CCDC172: variants seen among roughly 807,000 people sequenced by gnomAD.
CCDC172 encodes the protein coiled-coil domain containing 172, also known as coiled-coil domain-containing protein 172.
A neutral mutation model predicts 38.0 loss-of-function variants in CCDC172; 30 were observed. The ratio of observed to expected loss-of-function variants is 0.79; its 90% CI spans 0.59 to 1.07. The LOEUF (loss-of-function observed/expected upper bound fraction) is 1.07, where lower values mean the gene tolerates loss of function less well. CCDC172 is among the 50% of genes least tolerant of loss of function. The probability of loss-of-function intolerance (pLI) is 0.00; values close to 1 mark genes in which losing one functional copy is unlikely to be tolerated. For synonymous variants in CCDC172, 78 were observed against 88.3 expected (o/e 0.88, Z 0.66); for missense variants, 297 against 290.1 (o/e 1.02, Z -0.17).
chr10:116,340,653 A>G, intron 3 of CCDC172, 81 bp from the exon 4 acceptor site: 1 of 689,434 alleles, frequency 1.5e-6, no homozygotes, highest in South Asian at 1.8e-5. Context: ...TTTATACTAG[A>G]CAAATCTTCT....
chr10:116,377,270 C>G (rs896060327), intron 7 of CCDC172, among the ~76,000 whole-genome samples: 1 of 152,096 alleles, frequency 6.6e-6, no homozygotes, highest in Non-Finnish European at 1.5e-5. Context: ...AGGAGACTGC[C>G]TTATGTTGGT....
intron 7 of CCDC172, among the ~76,000 whole-genome samples, chr10:116,366,781 A>G (rs2134963035): frequency 6.6e-6 from 1 of 152,336 alleles, no homozygotes; most frequent in South Asian, 2.1e-4. Context: ...TATTCTCATT[A>G]GCACATTATG....
At chr10:116,352,190 C>T (rs949845147) in intron 5 of CCDC172, among the ~76,000 whole-genome samples, 1 of 152,174 alleles carries the variant, frequency 6.6e-6, no homozygotes, top group Non-Finnish European at 1.5e-5. Context: ...TTCTTCTAGA[C>T]CTACCCTAAA....
In CCDC172 at chr10:116,324,947, G is replaced by A; in HGVS notation, c.-65G>A. ...CCATCTTCTTTATTCTGCTTTCCAGGATCCTCAGAGTTGGTTATAAAATAT... is the reference window on the plus strand; with the variant it reads ...CCATCTTCTTTATTCTGCTTTCCAGAATCCTCAGAGTTGGTTATAAAATAT... On this transcript the variant is annotated splice_region_variant and 5_prime_UTR_variant, in exon 2 of 9. Coordinates refer to ENST00000333254, the MANE Select transcript of CCDC172 (RefSeq NM_198515.3). 1 of 1,290,148 alleles carries A rather than the reference G, an allele frequency of 7.8e-7. No individual in the cohort carries two copies. Among genetic ancestry groups the A allele is most frequent in the Non-Finnish European group, 1.1e-6 (1 of 888,778 alleles). 79.9% of individuals were successfully genotyped at this position (1,290,148 alleles called of 1,614,324 possible). A position where few individuals can be genotyped will look rare whatever the true frequency, so the allele number is the denominator to read the frequency against.
intron 7 of CCDC172, among the ~76,000 whole-genome samples, chr10:116,360,013 T>C (rs1225310094): frequency 1.3e-5 from 2 of 152,228 alleles, no homozygotes; most frequent in Non-Finnish European, 2.9e-5. Context: ...TTCAGAATGA[T>C]AATAGTCTCT....
chr10:116,368,188 C>G (rs970273987), intron 7 of CCDC172, among the ~76,000 whole-genome samples: 1 of 152,086 alleles, frequency 6.6e-6, no homozygotes, highest in East Asian at 1.9e-4. Context: ...TGAGAAAGTA[C>G]TATTTTTCCA....
chr10:116,367,651 ACT>A (rs1452982468), intron 7 of CCDC172, among the ~76,000 whole-genome samples: 1 of 151,796 alleles, frequency 6.6e-6, no homozygotes, highest in Admixed American at 6.6e-5. Flanking sequence ...ACAGAGCGAG[ACT>A]CTGTCTCAAA....
chr10:116,351,715 A>G (rs1275426932), intron 5 of CCDC172, among the ~76,000 whole-genome samples: 1 of 152,240 alleles, frequency 6.6e-6, no homozygotes, highest in Admixed American at 6.5e-5. Context: ...ATTGAGGACA[A>G]GAGAGTACAG....
At chr10:116,330,525 A>G (rs1183303943) in intron 3 of CCDC172, among the ~76,000 whole-genome samples, 1 of 152,204 alleles carries the variant, frequency 6.6e-6, no homozygotes, top group Non-Finnish European at 1.5e-5. Flanking sequence ...TGAAAAGTTC[A>G]TTGAAACGGC....
chr10:116,369,710 C>G (rs1845163740), intron 7 of CCDC172, among the ~76,000 whole-genome samples: 1 of 151,960 alleles, frequency 6.6e-6, no homozygotes, highest in Non-Finnish European at 1.5e-5. Flanking sequence ...TGTATTTATA[C>G]AGTATCTTAC....
chr10:116,379,396 G>C lies in CCDC172; in HGVS notation c.*38G>C, dbSNP rs531960965. On this transcript the variant is annotated 3_prime_UTR_variant, in exon 9 of 9. Transcript: ENST00000333254. ...TGATCAGCCATCTGAGATTTGATCA[G>C]AATATCTGAGAATCAAATCTTTGTG... is the stretch of plus-strand genomic sequence containing the variant. 1 of 1,393,636 alleles carries C rather than the reference G, an allele frequency of 7.2e-7. No homozygotes were observed. The highest frequency in any genetic ancestry group is 9.9e-7 in the Non-Finnish European group (1 of 1,011,660). 86.3% of individuals were successfully genotyped at this position (1,393,636 alleles called of 1,614,324 possible).
intron 7 of CCDC172, among the ~76,000 whole-genome samples, chr10:116,371,869 C>T (rs1324441803): frequency 6.6e-6 from 1 of 151,986 alleles, no homozygotes; most frequent in Admixed American, 6.6e-5. Context: ...ATAAGAGAGC[C>T]ATTGATTTAA....
intron 5 of CCDC172, among the ~76,000 whole-genome samples, chr10:116,348,784 C>A (rs1399774401): frequency 3.3e-5 from 5 of 152,158 alleles, no homozygotes; most frequent in Admixed American, 6.5e-5. Context: ...ATGCTGCCCT[C>A]TTTTGTGTTC....
chr10:116,378,358 C>T, intron 7 of CCDC172, 65 bp from the exon 8 acceptor site: 1 of 1,452,670 alleles, frequency 6.9e-7, no homozygotes, highest in Non-Finnish European at 9.2e-7. Context: ...ACTTGTCCCT[C>T]TCTGTGCAGT....
At chr10:116,354,342 A>C (rs1167437840) in intron 5 of CCDC172, among the ~76,000 whole-genome samples, 3 of 150,974 alleles carry the variant, frequency 2.0e-5, no homozygotes, top group Admixed American at 6.6e-5. Context: ...ACTTATTAAA[A>C]AAAGTTAACT....
chr10:116,337,747 T>G (rs1232339786), intron 3 of CCDC172, among the ~76,000 whole-genome samples: 10 of 152,182 alleles, frequency 6.6e-5, no homozygotes. Flanking sequence ...ATTTTATGTA[T>G]TATCTTCCCA....
chr10:116,349,088 G>T (rs565964292), intron 5 of CCDC172, among the ~76,000 whole-genome samples: 1 of 152,244 alleles, frequency 6.6e-6, no homozygotes, highest in South Asian at 2.1e-4. Flanking sequence ...AACTGTGCAT[G>T]TGAGGGATGT....
At chr10:116,365,828 A>G (rs1845116429) in intron 7 of CCDC172, among the ~76,000 whole-genome samples, 1 of 152,122 alleles carries the variant, frequency 6.6e-6, no homozygotes, top group African/African-American at 2.4e-5. Flanking sequence ...AGATACACAC[A>G]TACTTACCAT....
At chr10:116,327,009 G>T (rs914221867) in intron 3 of CCDC172, among the ~76,000 whole-genome samples, 3 of 152,254 alleles carry the variant, frequency 2.0e-5, no homozygotes, top group African/African-American at 7.2e-5. Context: ...ACACTTTCAG[G>T]ATTGATATCT....
Sources: gnomAD v4.1 joint callset for allele counts (sites outside exome capture counted in the v4.1 genomes callset) on GRCh38, gnomAD v4.1.1 for gene constraint, MANE v1.5 for transcripts, NCBI Gene and HGNC (gene_info 2026-07-23, HGNC 2026-07-21) for gene names.